The following CHL1 variants were observed in gnomAD, a reference collection of about 807,000 sequenced individuals.
CHL1 encodes the protein cell adhesion molecule L1 like, also known as neural cell adhesion molecule L1-like protein.
In CHL1, 96 loss-of-function variants were observed where a neutral mutation model predicts 141.9. That is an observed-to-expected ratio of 0.68 (90% CI 0.57 to 0.80). The LOEUF (loss-of-function observed/expected upper bound fraction) is 0.80, where lower values mean the gene tolerates loss of function less well. CHL1 is among the 30% of genes least tolerant of loss of function. CHL1 has a pLI of 0.00. For synonymous variants in CHL1, 613 were observed against 502.2 expected, an observed-to-expected ratio of 1.22 and a Z score of -2.95; for missense variants, 1,820 against 1,457.2, an observed-to-expected ratio of 1.25 and a Z score of -4.05.
intron 1 of CHL1, among the ~76,000 whole-genome samples, chr3:237,059 A>C (rs374321345): frequency 6.6e-6 from 1 of 152,122 alleles, no homozygotes; most frequent in Non-Finnish European, 1.5e-5. Flanking sequence ...CTTTGCTGAT[A>C]TCTCTCTATT....
At chr3:275,383 G>C (rs1695995157) in intron 2 of CHL1, among the ~76,000 whole-genome samples, 1 of 152,190 alleles carries the variant, frequency 6.6e-6, no homozygotes, top group South Asian at 2.1e-4. Flanking sequence ...CATCTTACTT[G>C]CATTCCAGTT....
chr3:378,306 C>T (rs7626077), intron 16 of CHL1, among the ~76,000 whole-genome samples: 5,254 of 152,108 alleles, frequency 0.035, 298 homozygotes, highest in African/African-American at 0.12. Context: ...TGGAGGATCT[C>T]GATAGGGGTC....
chr3:255,243 T>C (rs1405238248), intron 2 of CHL1, among the ~76,000 whole-genome samples: 1 of 152,178 alleles, frequency 6.6e-6, no homozygotes, highest in African/African-American at 2.4e-5. Context: ...AGTTAGTCAG[T>C]TGTTTGTAGT....
chr3:398,681 G>A (rs1708874280), intron 25 of CHL1, among the ~76,000 whole-genome samples: 1 of 151,930 alleles, frequency 6.6e-6, no homozygotes, highest in Admixed American at 6.6e-5. Flanking sequence ...AAAAACCACC[G>A]GTCTCCATGG....
At chr3:403,030 G>C (rs1709267776) in intron 27 of CHL1, among the ~76,000 whole-genome samples, 1 of 152,150 alleles carries the variant, frequency 6.6e-6, no homozygotes, top group South Asian at 2.1e-4. Flanking sequence ...GCAAGGTTTT[G>C]ACCAGGGCTA....
intron 2 of CHL1, among the ~76,000 whole-genome samples, chr3:260,522 G>A (rs1396274837): frequency 6.6e-6 from 1 of 152,142 alleles, no homozygotes; most frequent in African/African-American, 2.4e-5. Flanking sequence ...TGTCATGGTT[G>A]AGGATTCACT....
intron 1 of CHL1, among the ~76,000 whole-genome samples, chr3:198,627 A>G (rs6773584): frequency 0.13 from 19,285 of 152,230 alleles, 1,597 homozygotes; most frequent in African/African-American, 0.24. Context: ...ATTTAACACC[A>G]TAGATTTTTA....
intron 10 of CHL1, among the ~76,000 whole-genome samples, chr3:350,103 G>A (rs1409197509): frequency 6.6e-6 from 1 of 151,946 alleles, no homozygotes; most frequent in East Asian, 1.9e-4. Context: ...GTTACTTACA[G>A]GCAAAAAAGA....
chr3:399,154 A>G lies in CHL1; in HGVS notation c.3385+6A>G, dbSNP rs1315318467. The G allele has an allele frequency of 6.2e-7, 1 of 1,605,178 alleles. No individual in the cohort carries two copies. The highest frequency in any genetic ancestry group is 1.7e-5 in the Admixed American group (1 of 59,678). ...TAGAGGTGGAAAGTACTCAGGTAAA[A>G]TTGTTTCTTAATGTGATTTTCAACT... On this transcript the variant is annotated splice_donor_region_variant and intron_variant, in intron 26 of 27. Coordinates refer to ENST00000256509, the MANE Select transcript of CHL1 (RefSeq NM_006614.4).
intron 2 of CHL1, chr3:247,032 T>C (rs1230334855): frequency 1.3e-5 from 2 of 151,972 alleles, no homozygotes; most frequent in East Asian, 3.9e-4. Context: ...ATGACTTATT[T>C]TATGTCAAAG....
Position 344,573 on chromosome 3 carries a change from C to T in CHL1, c.728-16C>T. The T allele has an allele frequency of 1.3e-6, 2 of 1,590,772 alleles. No individual in the cohort carries two copies. Among genetic ancestry groups the T allele is most frequent in the Non-Finnish European group, 1.7e-6 (2 of 1,171,042 alleles). ...TTAATTTGAAAAAATTCTGACTTTT[C>T]TTTTCTATTTTGTAGCAAATTCCAT... On this transcript the variant is annotated splice_polypyrimidine_tract_variant and intron_variant, in intron 8 of 27. Coordinates refer to ENST00000256509, the MANE Select transcript of CHL1 (RefSeq NM_006614.4).
At chr3:256,663 T>G (rs957055183) in intron 2 of CHL1, among the ~76,000 whole-genome samples, 1 of 152,210 alleles carries the variant, frequency 6.6e-6, no homozygotes, top group African/African-American at 2.4e-5. Flanking sequence ...CATGCTGAGG[T>G]TGAGAAACTC....
intron 2 of CHL1, among the ~76,000 whole-genome samples, chr3:312,991 T>G (rs1446125071): frequency 6.6e-6 from 1 of 152,194 alleles, no homozygotes; most frequent in South Asian, 2.1e-4. Context: ...TGAAGTTAAT[T>G]TCTACCTCTG....
In CHL1 at chr3:233,799, A is replaced by C. The variant is rs1402396482; in HGVS notation, c.-174-10814A>C. Among the ~76,000 whole-genome samples, 5 of 152,064 alleles carry C rather than the reference A, an allele frequency of 3.3e-5. No individual in the cohort carries two copies. In the East Asian group the frequency reaches 9.6e-4, roughly 29 times the overall value. ...TCTAATACATAACTATATTCTACAT[A>C]TTTAATTATTTCTCTATTATTGGGC... On this transcript the variant is annotated intron_variant, in intron 1 of 27. Transcript: ENST00000256509.
rs1699867127 is a variant in CHL1 at position 312,890 on chromosome 3, A to G, written c.-94-6793A>G. 1.3e-5 allele frequency among the ~76,000 whole-genome samples: 2 copies of G among 152,240 alleles called. 1 individual carries two copies. Among genetic ancestry groups the G allele is most frequent in the South Asian group, 4.1e-4 (2 of 4,836 alleles). ...ACTATAATTTGGATGCCAGTGTCATAAAATATCTCTTCCTGCTGGCTATAA... is the reference window on the plus strand; with the variant it reads ...ACTATAATTTGGATGCCAGTGTCATGAAATATCTCTTCCTGCTGGCTATAA... On this transcript the variant is annotated intron_variant, in intron 2 of 27. Coordinates refer to ENST00000256509, the MANE Select transcript of CHL1 (RefSeq NM_006614.4).
Position 319,233 on chromosome 3 carries a change from T to C in CHL1, c.-94-450T>C, listed in dbSNP as rs529303097. 3.8e-5 allele frequency among the ~76,000 whole-genome samples: 5 copies of C among 130,222 alleles called. No homozygotes were observed. The South Asian group carries it at 7.0e-4, about 18-fold the overall frequency. The allele number at this position is 130,222 out of a possible 152,430, so 85.4% of individuals were successfully genotyped here. A position where few individuals can be genotyped will look rare whatever the true frequency, so the allele number is the denominator to read the frequency against. On this transcript the variant is annotated intron_variant, in intron 2 of 27. Transcript: ENST00000256509. ...TTGTGGACTACTAGATGGGGGAGGG[T>C]AAGAAGGAGTGAGGATTGAAAAACT...
At position 360,318 on chromosome 3, in the gene CHL1, G is replaced by A. The variant is rs1704113701; in HGVS notation, c.1200G>A (p.Arg400=). The A allele has an allele frequency of 1.2e-6, 2 of 1,613,764 alleles. No homozygotes were observed. The highest frequency in any genetic ancestry group is 1.7e-5 in the Admixed American group (1 of 59,992). ...HPFAGDVVFP[R]EISFTNLQPN... Reference sequence around the variant, plus strand: ...TTGCTGGTGATGTTGTCTTCCCCAGGGAAATCAGTTTTACCAACCTTCAAC... The same window carrying A: ...TTGCTGGTGATGTTGTCTTCCCCAGAGAAATCAGTTTTACCAACCTTCAAC... The change falls in exon 12 of 28, where the codon AGG becomes AGA. Residue 400 remains arginine (R), a synonymous_variant. Coordinates refer to ENST00000256509, the MANE Select transcript of CHL1 (RefSeq NM_006614.4).
rs73105057 is a variant in CHL1, at chr3:389,282, G to C, written c.2278G>C (p.Gly760Arg). The C allele has an allele frequency of 1.3e-3, 2,151 of 1,612,874 alleles. 24 individuals are homozygous for C. The African/African-American group carries it at 0.024, about 18-fold the overall frequency. ...PLKSMEQNGP[G>R]LEYRVTWKPQ... ...GAAATCCATGGAGCAGAATGGACCA[G>C]GCCTAGAGTACAGAGTGACCTGGAA... is the stretch of plus-strand genomic sequence containing the variant. Residue 760 changes from glycine (G) to arginine (R), a missense_variant, in exon 20 of 28, where the codon GGC becomes CGC. Coordinates refer to ENST00000256509, the MANE Select transcript of CHL1 (RefSeq NM_006614.4).
intron 2 of CHL1, among the ~76,000 whole-genome samples, chr3:289,792 C>A (rs1697505275): frequency 6.6e-6 from 1 of 151,660 alleles, no homozygotes; most frequent in African/African-American, 2.4e-5. Context: ...TTTAATACAT[C>A]TTATTTAATA....
Sources: gnomAD v4.1 joint callset for allele counts (sites outside exome capture counted in the v4.1 genomes callset) on GRCh38, gnomAD v4.1.1 for gene constraint, MANE v1.5 for transcripts, NCBI Gene and HGNC (gene_info 2026-07-23, HGNC 2026-07-21) for gene names.